The following GALNT14 variants were observed in gnomAD, a reference collection of about 807,000 sequenced individuals.
GALNT14 encodes polypeptide N-acetylgalactosaminyltransferase 14.
A neutral mutation model predicts 77.5 loss-of-function variants in GALNT14; 60 were observed. That is an observed-to-expected ratio of 0.77 (90% CI 0.63 to 0.96). The LOEUF (loss-of-function observed/expected upper bound fraction) is 0.96, where lower values mean the gene tolerates loss of function less well. GALNT14 is among the 40% of genes least tolerant of loss of function. The pLI is 0.00. For synonymous variants in GALNT14, 280 were observed against 281.7 expected (o/e 0.99, Z 0.06); for missense variants, 710 against 731.0 (o/e 0.97, Z 0.33).
chr2:30,928,008 C>G (rs1243323654), intron 11 of GALNT14, among the ~76,000 whole-genome samples: 6 of 152,080 alleles, frequency 3.9e-5, no homozygotes, highest in Admixed American at 3.9e-4. Context: ...AGGACAAGAC[C>G]TTTTGAGCTC....
At chr2:31,066,233 G>GC (rs993070191) in intron 1 of GALNT14, among the ~76,000 whole-genome samples, 6 of 152,184 alleles carry the variant, frequency 3.9e-5, no homozygotes, top group African/African-American at 9.6e-5. Flanking sequence ...CTGGTTGTAG[G>GC]CCCCCCCAGA....
intron 1 of GALNT14, among the ~76,000 whole-genome samples, chr2:31,028,466 G>C (rs1429003560): frequency 1.3e-5 from 2 of 152,234 alleles, no homozygotes; most frequent in African/African-American, 4.8e-5. Flanking sequence ...AAGATTCAGG[G>C]TTTCAGGGCA....
chr2:30,960,313 A>C (rs1667605567), intron 3 of GALNT14, among the ~76,000 whole-genome samples: 1 of 152,154 alleles, frequency 6.6e-6, no homozygotes, highest in Non-Finnish European at 1.5e-5. Flanking sequence ...ATAACCCCTA[A>C]TGAGGTTTGA....
At chr2:31,074,673 A>G (rs1199883170) in intron 1 of GALNT14, among the ~76,000 whole-genome samples, 1 of 152,174 alleles carries the variant, frequency 6.6e-6, no homozygotes, top group Non-Finnish European at 1.5e-5. Flanking sequence ...AGAGGGAGAC[A>G]TAGAGAAAAA....
chr2:31,032,084 C>T (rs1672450337), intron 1 of GALNT14, among the ~76,000 whole-genome samples: 1 of 152,212 alleles, frequency 6.6e-6, no homozygotes, highest in South Asian at 2.1e-4. Context: ...AGAGGAATAC[C>T]TAGGCAGCAG....
chr2:30,922,730 G>A (rs1347899769), intron 13 of GALNT14, among the ~76,000 whole-genome samples: 1 of 152,250 alleles, frequency 6.6e-6, no homozygotes, highest in Non-Finnish European at 1.5e-5. Context: ...ATCCAGGACA[G>A]AGATTACATC....
chr2:31,076,780 C>T (rs1675824899), intron 1 of GALNT14, among the ~76,000 whole-genome samples: 1 of 151,788 alleles, frequency 6.6e-6, no homozygotes, highest in East Asian at 1.9e-4. Flanking sequence ...GATTTGTCAC[C>T]CAAACTGGAA....
chr2:30,931,954 A>C (rs1665755113), intron 10 of GALNT14, 114 bp downstream of exon 10: 6 of 1,141,106 alleles, frequency 5.3e-6, no homozygotes, highest in Non-Finnish European at 6.9e-6. Context: ...GGCCAGTTCA[A>C]ATCACACAGG....
rs1665210211 is a variant in GALNT14 at position 30,924,218 on chromosome 2, T to C, written c.1281A>G (p.Arg427=). Residue 427 remains arginine, a synonymous_variant, in exon 13 of 15, where the codon AGA becomes AGG. Transcript: ENST00000349752. ...GCCTTTGAGATTCCAGGCACTTCTGTCTCTGTCGGATATTGCCCTTCTGGA... is the reference window on the plus strand; with the variant it reads ...GCCTTTGAGATTCCAGGCACTTCTGCCTCTGTCGGATATTGCCCTTCTGGA... ...SSIQKGNIRQ[R]QKCLESQRQN... is the part of the protein sequence containing the mutation. The C allele has an allele frequency of 6.2e-7, 1 of 1,614,086 alleles. No individual in the cohort carries two copies. Among genetic ancestry groups the C allele is most frequent in the African/African-American group, 1.3e-5 (1 of 74,922 alleles).
chr2:30,893,089 GAA>G, the GALNT14 span, among the ~76,000 whole-genome samples: 1 of 152,042 alleles, frequency 6.6e-6, no homozygotes, highest in Admixed American at 6.5e-5. Context: ...AAAAAACAAA[GAA>G]ATGAAAAAGA....
At chr2:31,027,000 C>T (rs1672097264) in intron 1 of GALNT14, among the ~76,000 whole-genome samples, 1 of 152,212 alleles carries the variant, frequency 6.6e-6, no homozygotes. Flanking sequence ...ATGCTTTCTC[C>T]TTCTGTCTCA....
chr2:31,016,165 C>A (rs773846030), intron 1 of GALNT14, among the ~76,000 whole-genome samples: 3 of 152,170 alleles, frequency 2.0e-5, no homozygotes, highest in Admixed American at 6.5e-5. Context: ...AACGTGCGAA[C>A]AGGGTTAGTT....
At chr2:30,955,065 G>T (rs567363154) in intron 6 of GALNT14, among the ~76,000 whole-genome samples, 76 of 152,312 alleles carry the variant, frequency 5.0e-4, no homozygotes, top group African/African-American at 1.8e-3. Context: ...TTTTTGGGGA[G>T]TAATTGAGAC....
At chr2:30,961,914 A>G (rs955241317) in intron 3 of GALNT14, among the ~76,000 whole-genome samples, 3 of 151,998 alleles carry the variant, frequency 2.0e-5, no homozygotes, top group Admixed American at 1.3e-4. Flanking sequence ...GCTGGTCTTG[A>G]TCTCCTGACA....
intron 13 of GALNT14, among the ~76,000 whole-genome samples, chr2:30,921,136 A>G (rs1665007664): frequency 6.6e-6 from 1 of 152,138 alleles, no homozygotes; most frequent in Non-Finnish European, 1.5e-5. Flanking sequence ...TAAAGGCCTG[A>G]CAACTCTCCT....
rs1275173829 is a variant in GALNT14 at position 30,955,621 on chromosome 2, T to C, written c.651A>G (p.Lys217=). ...CCTGCTCCTCAGCCTCACTCACCTC[T>C]TTGACCCTGTGCAACAGAGGCTGGA... ...DWLQPLLHRV[K]EDYTRVVCPV... Residue 217 remains lysine, a synonymous_variant, in exon 6 of 15, where the codon AAA becomes AAG. Transcript: ENST00000349752. 1 of 1,614,094 alleles carries C rather than the reference T, an allele frequency of 6.2e-7. No homozygotes were observed. Among genetic ancestry groups the C allele is most frequent in the Admixed American group, 1.7e-5 (1 of 60,024 alleles).
chr2:31,068,719 G>A (rs1675153566), intron 1 of GALNT14, among the ~76,000 whole-genome samples: 1 of 152,108 alleles, frequency 6.6e-6, no homozygotes, highest in African/African-American at 2.4e-5. Flanking sequence ...GATGAGGCTG[G>A]AGGACTAATA....
At chr2:31,004,814 G>A (rs932136806) in intron 1 of GALNT14, among the ~76,000 whole-genome samples, 2 of 152,198 alleles carry the variant, frequency 1.3e-5, no homozygotes, top group African/African-American at 4.8e-5. Context: ...GCAAAGGACT[G>A]GAACATATCT....
chr2:31,013,191 A>G (rs1203627152), intron 1 of GALNT14, among the ~76,000 whole-genome samples: 1 of 152,212 alleles, frequency 6.6e-6, no homozygotes, highest in East Asian at 1.9e-4. Flanking sequence ...GAAAGAGCAA[A>G]GGTGATCCAA....
Sources: gnomAD v4.1 joint callset for allele counts (sites outside exome capture counted in the v4.1 genomes callset) on GRCh38, gnomAD v4.1.1 for gene constraint, MANE v1.5 for transcripts, NCBI Gene and HGNC (gene_info 2026-07-23, HGNC 2026-07-21) for gene names.